ANGPT1: variants seen among roughly 807,000 people sequenced by gnomAD.
ANGPT1 encodes angiopoietin-1.
In ANGPT1, 17 loss-of-function variants were observed where a neutral mutation model predicts 62.2. That is an observed-to-expected ratio of 0.27 (90% CI 0.19 to 0.41). The LOEUF (loss-of-function observed/expected upper bound fraction) is 0.41. Among genes scored for constraint, ANGPT1 ranks in the 10% least tolerant of loss-of-function variants. ANGPT1 has a pLI of 1.00. For missense variants in ANGPT1, 478 were observed against 594.9 expected (o/e 0.80, Z 2.04); for synonymous variants, 199 against 198.9 (o/e 1.00, Z 0.00).
intron 1 of ANGPT1, among the ~76,000 whole-genome samples, chr8:107,463,472 C>A (rs963422199): frequency 6.6e-6 from 1 of 152,054 alleles, no homozygotes; most frequent in African/African-American, 2.4e-5. Context: ...ATGCAGCCCC[C>A]AAATGTCCTC....
chr8:107,380,652 A>G (rs1420447646), intron 1 of ANGPT1, among the ~76,000 whole-genome samples: 1 of 152,160 alleles, frequency 6.6e-6, no homozygotes, highest in Non-Finnish European at 1.5e-5. Context: ...ATAGCATGCC[A>G]ATACTTTCTC....
At chr8:107,347,169 A>G (rs995439556) in intron 1 of ANGPT1, 72 bp from the exon 2 acceptor site, 1 of 1,476,658 alleles carries the variant, frequency 6.8e-7, no homozygotes, top group Non-Finnish European at 9.2e-7. Context: ...TAATATTTAC[A>G]ATAACAAAAC....
At chr8:107,311,005 G>A (rs1273260650) in intron 4 of ANGPT1, among the ~76,000 whole-genome samples, 3 of 150,316 alleles carry the variant, frequency 2.0e-5, no homozygotes, top group East Asian at 3.9e-4. Context: ...GTGTGTGACT[G>A]TGTGTATGTA....
chr8:107,337,799 A>G (rs1815601421), intron 2 of ANGPT1, among the ~76,000 whole-genome samples: 1 of 152,070 alleles, frequency 6.6e-6, no homozygotes, highest in Admixed American at 6.6e-5. Context: ...AGTCTACTCA[A>G]CATATACCAA....
chr8:107,479,353 C>A (rs894567283), intron 1 of ANGPT1, among the ~76,000 whole-genome samples: 6 of 152,066 alleles, frequency 3.9e-5, no homozygotes, highest in African/African-American at 1.4e-4. Flanking sequence ...TAGCTATGTT[C>A]TTTGTATTTA....
intron 1 of ANGPT1, among the ~76,000 whole-genome samples, chr8:107,463,113 C>A (rs550787583): frequency 6.6e-6 from 1 of 152,230 alleles, no homozygotes; most frequent in East Asian, 1.9e-4. Flanking sequence ...AAAGGTATTT[C>A]TTTCATCTTT....
At chr8:107,339,565 A>G (rs1815650361) in intron 2 of ANGPT1, among the ~76,000 whole-genome samples, 2 of 152,028 alleles carry the variant, frequency 1.3e-5, no homozygotes, top group South Asian at 2.1e-4. Context: ...CCTCCATCAC[A>G]TCACCTTATT....
At chr8:107,323,226 A>C (rs969804978) in intron 3 of ANGPT1, among the ~76,000 whole-genome samples, 3 of 152,202 alleles carry the variant, frequency 2.0e-5, no homozygotes, top group Admixed American at 6.5e-5. Flanking sequence ...GGAAATAAAA[A>C]GCATTAACAT....
chr8:107,462,961 T>A (rs1469734214), intron 1 of ANGPT1, among the ~76,000 whole-genome samples: 1 of 152,124 alleles, frequency 6.6e-6, no homozygotes, highest in Non-Finnish European at 1.5e-5. Context: ...GGCAGCCTTC[T>A]AAGGTAGTCC....
chr8:107,276,575 G>T (rs1445671812), intron 7 of ANGPT1, among the ~76,000 whole-genome samples: 3 of 151,786 alleles, frequency 2.0e-5, no homozygotes, highest in Admixed American at 2.0e-4. Flanking sequence ...CAATCCACAT[G>T]AATTTGTTTT....
chr8:107,303,213 C>G (rs1479726086), intron 5 of ANGPT1, 27 bp downstream of exon 5: 1 of 1,605,592 alleles, frequency 6.2e-7, no homozygotes, highest in African/African-American at 1.3e-5. Context: ...TGGCTTACAT[C>G]TTGTAAACAA....
intron 7 of ANGPT1, among the ~76,000 whole-genome samples, chr8:107,276,281 T>C (rs1345638561): frequency 6.6e-5 from 10 of 152,168 alleles, no homozygotes; most frequent in Non-Finnish European, 2.9e-5. Context: ...CTTTAAAACC[T>C]TGAGTTTGAA....
At chr8:107,399,391 T>C (rs1816998678) in intron 1 of ANGPT1, among the ~76,000 whole-genome samples, 1 of 152,224 alleles carries the variant, frequency 6.6e-6, no homozygotes, top group Non-Finnish European at 1.5e-5. Flanking sequence ...GTAAAAAAGT[T>C]ATCAGAATAA....
intron 1 of ANGPT1, among the ~76,000 whole-genome samples, chr8:107,440,510 G>A (rs1333470872): frequency 6.6e-6 from 1 of 152,136 alleles, no homozygotes; most frequent in Non-Finnish European, 1.5e-5. Flanking sequence ...ATACATGAGA[G>A]CAAATGTGGG....
chr8:107,298,191 T>C (rs1364993828), intron 5 of ANGPT1, among the ~76,000 whole-genome samples: 4 of 151,962 alleles, frequency 2.6e-5, no homozygotes, highest in Non-Finnish European at 4.4e-5. Context: ...TTGATTCACA[T>C]AGTTTTTATA....
At chr8:107,264,069 C>G (rs183183169) in intron 8 of ANGPT1, 152 bp downstream of exon 8, 7 of 887,168 alleles carry the variant, frequency 7.9e-6, no homozygotes, top group Non-Finnish European at 1.1e-5. Context: ...TACACAAGAA[C>G]GCAGGGTAAA....
At chr8:107,479,909 A>T (rs1411118826) in intron 1 of ANGPT1, among the ~76,000 whole-genome samples, 1 of 152,216 alleles carries the variant, frequency 6.6e-6, no homozygotes, top group Non-Finnish European at 1.5e-5. Flanking sequence ...AAATATATGC[A>T]GTCTTCCAGT....
At chr8:107,374,734 G>T (rs1467377829) in intron 1 of ANGPT1, among the ~76,000 whole-genome samples, 1 of 152,184 alleles carries the variant, frequency 6.6e-6, no homozygotes, top group Non-Finnish European at 1.5e-5. Context: ...CCAAAGAATT[G>T]ACTTGCATTT....
chr8:107,275,410 A>G (rs1235486800), intron 7 of ANGPT1, among the ~76,000 whole-genome samples: 2 of 152,034 alleles, frequency 1.3e-5, no homozygotes, highest in East Asian at 3.9e-4. Flanking sequence ...TTCTACCCCC[A>G]TCTCTGAACT....
Sources: allele counts gnomAD v4.1 joint callset (sites outside exome capture counted in the v4.1 genomes callset), GRCh38; gene constraint gnomAD v4.1.1; transcripts MANE v1.5; gene names NCBI Gene and HGNC (gene_info 2026-07-23, HGNC 2026-07-21).